The following PAK3 variants were observed in gnomAD, a reference collection of about 807,000 sequenced individuals.
PAK3 encodes the protein serine/threonine-protein kinase PAK 3.
A neutral mutation model predicts 41.0 loss-of-function variants in PAK3; 4 were observed. The ratio of observed to expected loss-of-function variants is 0.10; its 90% CI spans 0.05 to 0.22. The LOEUF is 0.22. Ranked by LOEUF, PAK3 falls within the 10% of genes least tolerant of loss-of-function variation. The pLI is 1.00. For missense variants in PAK3, 205 were observed against 409.9 expected, an observed-to-expected ratio of 0.50 and a Z score of 4.32; for synonymous variants, 146 against 139.6, an observed-to-expected ratio of 1.05 and a Z score of -0.32.
chrX:111,007,120 T>G (rs943596755), intron 1 of PAK3, among the ~76,000 whole-genome samples: 1 of 110,226 alleles, frequency 9.1e-6, no homozygotes, highest in Non-Finnish European at 1.9e-5. Flanking sequence ...CATAAATTTG[T>G]CAGTCAGTAA....
chrX:111,029,298 G>C (rs1223777324), intron 1 of PAK3, among the ~76,000 whole-genome samples: 2 of 111,680 alleles, frequency 1.8e-5, no homozygotes, highest in Non-Finnish European at 3.8e-5. Context: ...AGACGAAGAT[G>C]CAATTTCAGT....
intron 11 of PAK3, among the ~76,000 whole-genome samples, chrX:111,189,130 C>T (rs1210879757): frequency 1.8e-5 from 2 of 111,145 alleles, no homozygotes; most frequent in Admixed American, 1.9e-4. Context: ...TATGTTCATG[C>T]GTACCCAATG....
chrX:111,197,640 G>A (rs1398986274), intron 16 of PAK3, among the ~76,000 whole-genome samples: 3 of 111,646 alleles, frequency 2.7e-5, no homozygotes, highest in Non-Finnish European at 3.8e-5. Flanking sequence ...ATTCCCTCCA[G>A]CAGTCTATAA....
At chrX:111,127,591 A>T (rs1316692197) in intron 5 of PAK3, among the ~76,000 whole-genome samples, 1 of 111,487 alleles carries the variant, frequency 9.0e-6, no homozygotes, top group Non-Finnish European at 1.9e-5. Flanking sequence ...AAAAGTTTTC[A>T]GGATTTAGAC....
intron 4 of PAK3, among the ~76,000 whole-genome samples, chrX:111,107,144 T>G (rs1436187328): frequency 2.7e-5 from 3 of 111,948 alleles, no homozygotes; most frequent in Non-Finnish European, 5.6e-5. Context: ...TGCATGTCTC[T>G]GGTTTTATAT....
rs998795228 is a variant in PAK3 at position 111,150,292 on chromosome X, A to G, written c.431-2118A>G. ...GTTCCAAACTTCCCCACATTTTTCT[A>G]TCTTCTTCTGTGTCCTTTCAAACTG... On this transcript the variant is annotated intron_variant, in intron 7 of 17. Coordinates refer to ENST00000372007, the MANE Select transcript of PAK3 (RefSeq NM_002578.5). Among the ~76,000 whole-genome samples, 7 of 111,681 alleles carry G rather than the reference A, an allele frequency of 6.3e-5. No homozygotes were observed. In the East Asian group the frequency reaches 1.1e-3, roughly 18 times the overall value.
At chrX:110,992,921 C>G (rs749656979) in intron 1 of PAK3, among the ~76,000 whole-genome samples, 1 of 111,944 alleles carries the variant, frequency 8.9e-6, no homozygotes, top group African/African-American at 3.2e-5. Flanking sequence ...CCCAACGTTT[C>G]TCCTTTACAG....
intron 16 of PAK3, among the ~76,000 whole-genome samples, chrX:111,215,973 T>C (rs2094875737): frequency 8.9e-6 from 1 of 112,145 alleles, no homozygotes; most frequent in South Asian, 3.7e-4. Context: ...CAAACATTCT[T>C]CAAACAAGAT....
At chrX:110,972,538 C>T (rs1394624132) in intron 1 of PAK3, among the ~76,000 whole-genome samples, 5 of 112,038 alleles carry the variant, frequency 4.5e-5, no homozygotes, top group Non-Finnish European at 3.8e-5. Flanking sequence ...AGGTCATCTA[C>T]ACCAAAACCC....
intron 1 of PAK3, among the ~76,000 whole-genome samples, chrX:110,999,994 A>T (rs981100493): frequency 9.0e-6 from 1 of 111,580 alleles, no homozygotes; most frequent in Admixed American, 9.5e-5. Context: ...AAGTTTTTTT[A>T]AAAATCTTGC....
At chrX:111,084,764 A>AT (rs1401704959) in intron 1 of PAK3, among the ~76,000 whole-genome samples, 1 of 111,879 alleles carries the variant, frequency 8.9e-6, no homozygotes, top group African/African-American at 3.3e-5. Flanking sequence ...TCTATGATAC[A>AT]TTTTTCTTTC....
intron 1 of PAK3, among the ~76,000 whole-genome samples, chrX:110,960,201 G>A (rs996386851): frequency 2.7e-5 from 3 of 111,870 alleles, no homozygotes; most frequent in Admixed American, 9.5e-5. Flanking sequence ...GTAAGTACTA[G>A]GTATGGAACA....
At chrX:110,988,370 G>A (rs2091584480) in intron 1 of PAK3, among the ~76,000 whole-genome samples, 1 of 111,185 alleles carries the variant, frequency 9.0e-6, no homozygotes, top group African/African-American at 3.3e-5. Flanking sequence ...GAAATAACAG[G>A]GTACACTGCA....
At chrX:111,190,514 T>C (rs924350817) in intron 11 of PAK3, among the ~76,000 whole-genome samples, 3 of 112,004 alleles carry the variant, frequency 2.7e-5, no homozygotes, top group Non-Finnish European at 5.6e-5. Flanking sequence ...CTGTTTTCCA[T>C]GTGAGGGGAC....
At chrX:111,019,477 T>C (rs1381784143) in intron 1 of PAK3, among the ~76,000 whole-genome samples, 2 of 102,202 alleles carry the variant, frequency 2.0e-5, no homozygotes, top group African/African-American at 7.2e-5. Context: ...GAAGACGGCT[T>C]GAGCCCAGTA....
Position 111,163,732 on chromosome X carries a change from G to A in PAK3, c.766+5G>A. On this transcript the variant is annotated splice_donor_5th_base_variant and intron_variant, in intron 10 of 17. Coordinates refer to ENST00000372007, the MANE Select transcript of PAK3 (RefSeq NM_002578.5). ...AGGAGATCTTAGAGAAGCTAAGTGA[G>A]TACTTCTTGCCATGATTACTTTCTA... is the stretch of plus-strand genomic sequence containing the variant. 8.6e-7 allele frequency: 1 copy of A among 1,167,504 alleles called. No homozygotes were observed. Among genetic ancestry groups the A allele is most frequent in the Non-Finnish European group, 1.2e-6 (1 of 855,936 alleles).
upstream of PAK3, among the ~76,000 whole-genome samples, chrX:111,095,417 G>T (rs2092967078): frequency 9.0e-6 from 1 of 111,650 alleles, no homozygotes; most frequent in African/African-American, 3.3e-5. Flanking sequence ...AAATCATGGG[G>T]AGTATGGATT....
chrX:110,997,133 C>T (rs1313799057), intron 1 of PAK3, among the ~76,000 whole-genome samples: 1 of 110,344 alleles, frequency 9.1e-6, no homozygotes, highest in African/African-American at 3.3e-5. Context: ...GCAAGGGGGC[C>T]GGTATGGCTG....
chrX:111,132,228 T>C (rs1275814131), intron 5 of PAK3, among the ~76,000 whole-genome samples: 1 of 110,460 alleles, frequency 9.1e-6, no homozygotes, highest in African/African-American at 3.3e-5. Flanking sequence ...ATGTCACCCA[T>C]AGGAGGTGGA....
Sources: allele counts gnomAD v4.1 joint callset (sites outside exome capture counted in the v4.1 genomes callset), GRCh38; gene constraint gnomAD v4.1.1; transcripts MANE v1.5; gene names NCBI Gene and HGNC (gene_info 2026-07-23, HGNC 2026-07-21).